ANK1: variants seen among roughly 807,000 people sequenced by gnomAD.
ANK1 encodes the protein ankyrin-1.
ANK1 carries 51 observed loss-of-function variants against 210.4 expected under a neutral mutation model. The observed-to-expected ratio is 0.24, with a 90% CI of 0.19 to 0.31. ANK1 has a LOEUF of 0.31. Among genes scored for constraint, ANK1 ranks in the 10% least tolerant of loss-of-function variants. The pLI is 1.00. For missense variants in ANK1, 2,051 were observed against 2,504.4 expected (o/e 0.82, Z 3.86); for synonymous variants, 967 against 1,025.9 (o/e 0.94, Z 1.10).
chr8:41,727,206 C>G (rs1403972380), intron 5 of ANK1, 44 bp downstream of exon 5: 12 of 1,513,442 alleles, frequency 7.9e-6, no homozygotes, highest in Non-Finnish European at 1.0e-5. Context: ...GGTTGTACAC[C>G]TGGGAGACTT....
intron 2 of ANK1, among the ~76,000 whole-genome samples, chr8:41,753,132 G>A (rs981900280): frequency 4.1e-5 from 6 of 146,484 alleles, no homozygotes; most frequent in African/African-American, 1.5e-4. Flanking sequence ...GCTCGATCTC[G>A]GCTCACCACA....
chr8:41,697,996 T>A, intron 24 of ANK1, 47 bp downstream of exon 24: 1 of 1,591,688 alleles, frequency 6.3e-7, no homozygotes, highest in Non-Finnish European at 8.6e-7. Flanking sequence ...TGTCCCAGGG[T>A]TTTCATGCCC....
chr8:41,737,494 C>T (rs1351135913), intron 2 of ANK1, among the ~76,000 whole-genome samples: 1 of 152,142 alleles, frequency 6.6e-6, no homozygotes, highest in Non-Finnish European at 1.5e-5. Context: ...TTCCTGGGTC[C>T]CATGCCTCCC....
At chr8:41,740,116 C>A (rs894354491) in intron 2 of ANK1, among the ~76,000 whole-genome samples, 1 of 151,676 alleles carries the variant, frequency 6.6e-6, no homozygotes, top group African/African-American at 2.4e-5. Flanking sequence ...TTGCTCCTCC[C>A]CCAGCAGTAG....
intron 37 of ANK1, among the ~76,000 whole-genome samples, chr8:41,683,587 C>T (rs1188019150): frequency 6.6e-6 from 1 of 152,232 alleles, no homozygotes; most frequent in Non-Finnish European, 1.5e-5. Context: ...CAGGGTGACG[C>T]GTCAGCCACC....
At chr8:41,682,963 AT>A (rs1229032596) in intron 37 of ANK1, among the ~76,000 whole-genome samples, 1 of 152,170 alleles carries the variant, frequency 6.6e-6, no homozygotes, top group Non-Finnish European at 1.5e-5. Flanking sequence ...GGAGGCTGGA[AT>A]CCCCAAGGGG....
chr8:41,741,510 TTCAAGGCTGCAGTGAGCTATG>T (rs1286217918), intron 2 of ANK1, among the ~76,000 whole-genome samples: 1 of 151,992 alleles, frequency 6.6e-6, no homozygotes, highest in East Asian at 1.9e-4. Flanking sequence ...AGCCCAGCAG[TTCAAGGCTGCAGTGAGCTATG>T]ATTGCACCAC....
At chr8:41,763,680 G>A (rs187268427) in intron 1 of ANK1, among the ~76,000 whole-genome samples, 1 of 152,134 alleles carries the variant, frequency 6.6e-6, no homozygotes, top group Admixed American at 6.5e-5. Flanking sequence ...ATGCTAGGAG[G>A]TCCCACTCAG....
chr8:41,823,254 A>G (rs1365160418), intron 1 of ANK1, among the ~76,000 whole-genome samples: 2 of 152,090 alleles, frequency 1.3e-5, no homozygotes, highest in East Asian at 3.9e-4. Flanking sequence ...CTAGGGGGAG[A>G]GAAGTGGTTG....
At chr8:41,769,983 T>TC (rs1439957963) in intron 1 of ANK1, among the ~76,000 whole-genome samples, 7 of 142,216 alleles carry the variant, frequency 4.9e-5, no homozygotes, top group East Asian at 2.0e-4. Flanking sequence ...TTTTCTTTTT[T>TC]TTTTTTTTTT....
chr8:41,714,322 G>T, intron 15 of ANK1, 68 bp from the exon 16 acceptor site: 1 of 1,233,618 alleles, frequency 8.1e-7, no homozygotes. Context: ...ACTCCCTTTA[G>T]GCATGGGAGC....
chr8:41,745,697 T>A (rs1334411624), intron 2 of ANK1, among the ~76,000 whole-genome samples: 1 of 151,932 alleles, frequency 6.6e-6, no homozygotes, highest in Non-Finnish European at 1.5e-5. Flanking sequence ...TCTGTTCTGG[T>A]TTTTCCTTTC....
chr8:41,722,458 A>T (rs895782198), intron 9 of ANK1, among the ~76,000 whole-genome samples: 10 of 152,208 alleles, frequency 6.6e-5, no homozygotes, highest in South Asian at 2.1e-4. Flanking sequence ...CTCTGCTCTG[A>T]CACAGCTCAA....
At chr8:41,745,171 C>A (rs548971315) in intron 2 of ANK1, among the ~76,000 whole-genome samples, 17 of 151,288 alleles carry the variant, frequency 1.1e-4, no homozygotes, top group Non-Finnish European at 1.9e-4. Context: ...GAAGAAGGGG[C>A]GGGGAGATGT....
intron 1 of ANK1, among the ~76,000 whole-genome samples, chr8:41,843,339 T>C (rs1809369147): frequency 6.6e-6 from 1 of 152,170 alleles, no homozygotes; most frequent in Admixed American, 6.5e-5. Context: ...CGATCAGACA[T>C]TGAATCTGCT....
intron 32 of ANK1, 50 bp from the exon 33 acceptor site, chr8:41,690,396 C>T (rs1818944377): frequency 1.2e-6 from 2 of 1,614,206 alleles, no homozygotes; most frequent in African/African-American, 2.7e-5. Context: ...TCTAGGCCAC[C>T]CGGCTGTCTG....
At chr8:41,891,334 G>A (rs993170086) in intron 1 of ANK1, among the ~76,000 whole-genome samples, 9 of 151,992 alleles carry the variant, frequency 5.9e-5, no homozygotes, top group African/African-American at 1.9e-4. Context: ...CAGAACTGGT[G>A]AGCCAGCAGC....
chr8:41,841,903 C>T (rs1376241809), intron 1 of ANK1, among the ~76,000 whole-genome samples: 1 of 152,248 alleles, frequency 6.6e-6, no homozygotes, highest in Non-Finnish European at 1.5e-5. Context: ...CTCATGTCAC[C>T]TGCCGTGGGG....
At chr8:41,834,917 T>C (rs1396312693) in intron 1 of ANK1, among the ~76,000 whole-genome samples, 2 of 152,128 alleles carry the variant, frequency 1.3e-5, no homozygotes, top group African/African-American at 4.8e-5. Flanking sequence ...CATTACACAC[T>C]CAGTGCGGGG....
Sources: allele counts gnomAD v4.1 joint callset (sites outside exome capture counted in the v4.1 genomes callset), GRCh38; gene constraint gnomAD v4.1.1; transcripts MANE v1.5; gene names NCBI Gene and HGNC (gene_info 2026-07-23, HGNC 2026-07-21).